Variants in ITPK1 observed in about 807,000 individuals in gnomAD.
ITPK1 encodes the protein inositol 1,3,4-trisphosphate 5/6-kinase.
A neutral mutation model predicts 45.3 loss-of-function variants in ITPK1; 21 were observed. The ratio of observed to expected loss-of-function variants is 0.46; its 90% CI spans 0.33 to 0.67. ITPK1 has a LOEUF of 0.67. Among genes scored for constraint, ITPK1 ranks in the 30% least tolerant of loss-of-function variants. The pLI is 0.02. For synonymous variants in ITPK1, 258 were observed against 253.6 expected, an observed-to-expected ratio of 1.02 and a Z score of -0.16; for missense variants, 474 against 573.5, an observed-to-expected ratio of 0.83 and a Z score of 1.77.
At chr14:93,113,244 T>C (rs530030607) in intron 2 of ITPK1, among the ~76,000 whole-genome samples, 9 of 152,170 alleles carry the variant, frequency 5.9e-5, no homozygotes, top group Non-Finnish European at 1.0e-4. Context: ...CCCCAGAACG[T>C]TGATAGCATA....
At chr14:92,980,825 A>G (rs758733866) in intron 5 of ITPK1, among the ~76,000 whole-genome samples, 2 of 152,126 alleles carry the variant, frequency 1.3e-5, no homozygotes, top group Non-Finnish European at 2.9e-5. Flanking sequence ...CTCCTGCCTC[A>G]GCCTCCGAAG....
chr14:92,993,960 T>C lies in ITPK1; in HGVS notation c.284A>G (p.Asp95Gly). ...IDAHPETIVLDPLPAIRTLLD... is the reference protein window; with the variant it reads ...IDAHPETIVLGPLPAIRTLLD... ...CAGGGTTCTGATGGCAGGGAGCGGG[T>C]CCAGGACGATGGTCTCAGGGTGGGC... The change falls in exon 5 of 11, where the codon GAC becomes GGC. Residue 95 changes from aspartate to glycine, a missense_variant. By Grantham distance (94) the Asp-to-Gly change is moderately conservative. Coordinates refer to ENST00000267615, the MANE Select transcript of ITPK1 (RefSeq NM_014216.6). 1 of 1,613,488 alleles carries C rather than the reference T, an allele frequency of 6.2e-7. No homozygotes were observed.
chr14:93,031,274 C>T (rs534550888), intron 3 of ITPK1, among the ~76,000 whole-genome samples: 41 of 151,542 alleles, frequency 2.7e-4, no homozygotes, highest in African/African-American at 9.2e-4. Flanking sequence ...GTGCAGGGGA[C>T]GGGGGACAAA....
At chr14:92,950,860 GCCTGA>G (rs1277515782) in intron 9 of ITPK1, among the ~76,000 whole-genome samples, 3 of 152,240 alleles carry the variant, frequency 2.0e-5, no homozygotes, top group African/African-American at 7.2e-5. Context: ...TGTTCCCAAA[GCCTGA>G]TATGTTCCCA....
chr14:92,978,412 A>C (rs1886054965), intron 5 of ITPK1, among the ~76,000 whole-genome samples: 1 of 152,052 alleles, frequency 6.6e-6, no homozygotes, highest in Admixed American at 6.5e-5. Context: ...CCATTTTCTG[A>C]GGAGGAACTC....
intron 5 of ITPK1, among the ~76,000 whole-genome samples, chr14:92,965,908 C>A (rs1885326024): frequency 6.6e-6 from 1 of 152,202 alleles, no homozygotes; most frequent in African/African-American, 2.4e-5. Flanking sequence ...GAGGCCGAGG[C>A]AGGAGAATCG....
chr14:93,029,477 T>C (rs759502860), intron 3 of ITPK1, among the ~76,000 whole-genome samples: 3 of 152,024 alleles, frequency 2.0e-5, no homozygotes, highest in Non-Finnish European at 4.4e-5. Flanking sequence ...TAAAGCCGTC[T>C]CTGGGCAACA....
At chr14:92,957,498 G>T (rs971632470) in intron 8 of ITPK1, among the ~76,000 whole-genome samples, 3 of 152,206 alleles carry the variant, frequency 2.0e-5, no homozygotes, top group Admixed American at 6.5e-5. Flanking sequence ...AGCAGCTGGC[G>T]GAAGGAAGGC....
intron 7 of ITPK1, among the ~76,000 whole-genome samples, chr14:92,961,856 A>G (rs1284593596): frequency 6.6e-6 from 1 of 152,208 alleles, no homozygotes; most frequent in Non-Finnish European, 1.5e-5. Context: ...AGAAGAAATC[A>G]GAGAGCTTGC....
intron 3 of ITPK1, among the ~76,000 whole-genome samples, chr14:93,053,737 G>A (rs895365019): frequency 1.3e-5 from 2 of 152,184 alleles, no homozygotes; most frequent in Non-Finnish European, 2.9e-5. Context: ...ATGTGTGTCA[G>A]GGTAGGGCAG....
intron 3 of ITPK1, among the ~76,000 whole-genome samples, chr14:93,019,240 A>G (rs1371405588): frequency 6.6e-6 from 1 of 152,118 alleles, no homozygotes; most frequent in Non-Finnish European, 1.5e-5. Context: ...ACCAGCACCC[A>G]CATCTCCAGA....
intron 2 of ITPK1, among the ~76,000 whole-genome samples, chr14:93,114,535 A>G (rs1892864337): frequency 6.6e-6 from 1 of 152,214 alleles, no homozygotes; most frequent in Non-Finnish European, 1.5e-5. Flanking sequence ...GAGACAGCAA[A>G]TCACCACATA....
At chr14:93,093,778 G>C (rs1361160154) in intron 2 of ITPK1, among the ~76,000 whole-genome samples, 1 of 152,172 alleles carries the variant, frequency 6.6e-6, no homozygotes, top group Non-Finnish European at 1.5e-5. Flanking sequence ...ACCACTGCAC[G>C]ATCTAGACCA....
At chr14:92,954,691 G>A (rs1042854752) in intron 8 of ITPK1, among the ~76,000 whole-genome samples, 2 of 152,176 alleles carry the variant, frequency 1.3e-5, no homozygotes, top group East Asian at 3.8e-4. Context: ...CAACTCAGCC[G>A]TACAGCCACG....
At chr14:92,955,538 T>C (rs1026867031) in intron 8 of ITPK1, among the ~76,000 whole-genome samples, 2 of 152,196 alleles carry the variant, frequency 1.3e-5, no homozygotes, top group Admixed American at 6.5e-5. Flanking sequence ...TCTCTGTGAA[T>C]GCGAACCACA....
chr14:93,042,396 G>A (rs1332236164), intron 3 of ITPK1, among the ~76,000 whole-genome samples: 2 of 152,186 alleles, frequency 1.3e-5, no homozygotes, highest in Non-Finnish European at 2.9e-5. Context: ...GGGGGTTTTG[G>A]AACATGCCTG....
At chr14:93,077,883 A>C (rs1891293283) in intron 2 of ITPK1, among the ~76,000 whole-genome samples, 1 of 152,176 alleles carries the variant, frequency 6.6e-6, no homozygotes, top group South Asian at 2.1e-4. Context: ...GGACCGAGGC[A>C]CCCAAGACAG....
intron 5 of ITPK1, among the ~76,000 whole-genome samples, chr14:92,978,511 A>G (rs1325677500): frequency 6.6e-6 from 1 of 151,948 alleles, no homozygotes; most frequent in Non-Finnish European, 1.5e-5. Flanking sequence ...AGAGACCTTC[A>G]CAGCAGTCCC....
chr14:93,110,810 C>T (rs1469089436), intron 2 of ITPK1, among the ~76,000 whole-genome samples: 1 of 152,224 alleles, frequency 6.6e-6, no homozygotes, highest in Non-Finnish European at 1.5e-5. Flanking sequence ...GGATGAGAAA[C>T]TCACAGACAT....
Sources: gnomAD v4.1 joint callset for allele counts (sites outside exome capture counted in the v4.1 genomes callset) on GRCh38, gnomAD v4.1.1 for gene constraint, MANE v1.5 for transcripts, NCBI Gene and HGNC (gene_info 2026-07-23, HGNC 2026-07-21) for gene names.